RIPOR2: variants seen among roughly 807,000 people sequenced by gnomAD.
RIPOR2 encodes the protein RHO family interacting cell polarization regulator 2.
In RIPOR2, 39 loss-of-function variants were observed where a neutral mutation model predicts 114.5. That is an observed-to-expected ratio of 0.34 (90% CI 0.26 to 0.44). The LOEUF is 0.44. Among genes scored for constraint, RIPOR2 ranks in the 20% least tolerant of loss-of-function variants. The pLI is 1.00. For synonymous variants in RIPOR2, 445 were observed against 484.4 expected (o/e 0.92, Z 1.07); for missense variants, 1,007 against 1,255.1 (o/e 0.80, Z 2.99).
At chr6:24,934,995 T>C (rs1227794764) in intron 1 of RIPOR2, among the ~76,000 whole-genome samples, 2 of 151,892 alleles carry the variant, frequency 1.3e-5, no homozygotes, top group Non-Finnish European at 2.9e-5. Flanking sequence ...GTGCCAAGTA[T>C]GTGTGAGGAA....
At chr6:25,026,546 A>G (rs1014672243) in intron 1 of RIPOR2, among the ~76,000 whole-genome samples, 1 of 152,234 alleles carries the variant, frequency 6.6e-6, no homozygotes. Context: ...AAGCCTGAGA[A>G]TTTCTAGAAG....
At chr6:25,012,470 C>A (rs191453028) in intron 1 of RIPOR2, among the ~76,000 whole-genome samples, 49 of 152,192 alleles carry the variant, frequency 3.2e-4, no homozygotes, top group Non-Finnish European at 6.3e-4. Context: ...AAGAAACAAC[C>A]TAAATGTCCA....
intron 14 of RIPOR2, among the ~76,000 whole-genome samples, chr6:24,836,835 CTCTCTCTCTCTG>C (rs944838856): frequency 7.0e-6 from 1 of 143,650 alleles, no homozygotes; most frequent in African/African-American, 2.5e-5. Flanking sequence ...CACACACTCT[CTCTCTCTCTCTG>C]TCTCTCTCTC....
chr6:24,869,035 G>T, intron 6 of RIPOR2, 59 bp downstream of exon 6: 1 of 972,674 alleles, frequency 1.0e-6, no homozygotes, highest in Non-Finnish European at 1.6e-6. Context: ...CAGCCCAAAG[G>T]TGTATTTGAT....
intron 13 of RIPOR2, chr6:24,840,519 G>T: frequency 7.0e-7 from 1 of 1,419,660 alleles, no homozygotes; most frequent in East Asian, 2.6e-5. Flanking sequence ...GGATGCTGGG[G>T]TGGGTCGAAT....
chr6:24,847,459 A>C, intron 12 of RIPOR2: 1 of 1,392,328 alleles, frequency 7.2e-7, no homozygotes, highest in Non-Finnish European at 9.9e-7. Flanking sequence ...AAGACAGAGA[A>C]GATAAAACAA....
At chr6:24,917,580 A>C (rs563158141) in intron 1 of RIPOR2, among the ~76,000 whole-genome samples, 5 of 151,906 alleles carry the variant, frequency 3.3e-5, no homozygotes. Flanking sequence ...CCCAGGCTGG[A>C]GTGCAATGGC....
intron 1 of RIPOR2, among the ~76,000 whole-genome samples, chr6:25,017,379 C>G (rs1020220465): frequency 6.6e-6 from 1 of 152,196 alleles, no homozygotes; most frequent in African/African-American, 2.4e-5. Context: ...CCACAGTCCT[C>G]CCCCATTTTT....
chr6:25,036,752 A>G (rs303031), intron 1 of RIPOR2, among the ~76,000 whole-genome samples: 66,545 of 151,852 alleles, frequency 0.44, 14,631 homozygotes, highest in East Asian at 0.47. Context: ...ATCTGGTTGC[A>G]TTTACTTGTA....
intron 1 of RIPOR2, among the ~76,000 whole-genome samples, chr6:24,962,501 G>T (rs931974948): frequency 6.6e-6 from 1 of 152,096 alleles, no homozygotes; most frequent in Non-Finnish European, 1.5e-5. Context: ...ACTATGAGAA[G>T]AATATTCACT....
intron 1 of RIPOR2, chr6:25,015,896 G>GTT: frequency 2.2e-5 from 1 of 45,866 alleles, no homozygotes; most frequent in Middle Eastern, 0.014. Flanking sequence ...AGGTTTTTTG[G>GTT]TTTTTTTTTT....
At position 24,858,188 on chromosome 6, in the gene RIPOR2, TG is replaced by T. The variant is rs780542024; in HGVS notation, c.715+2784del. ...TTGAATGAGAATGCACAGCCTCATA[TG>T]TCTGTTTTCTCTGGTAGACCATGTG... On this transcript the variant is annotated intron_variant, in intron 8 of 21. Transcript: ENST00000643898. The surrounding 1 kb of genome is among the most constrained non-coding windows in gnomAD (Gnocchi z 4.0). 5.9e-5 allele frequency among the ~76,000 whole-genome samples: 9 copies of T among 152,344 alleles called. No individual in the cohort carries two copies. The East Asian group carries it at 1.2e-3, about 20-fold the overall frequency.
chr6:24,872,050 A>G (rs185687331), intron 4 of RIPOR2, among the ~76,000 whole-genome samples: 11 of 152,386 alleles, frequency 7.2e-5, no homozygotes, highest in Admixed American at 6.5e-4. Flanking sequence ...AAAAGACAGC[A>G]GCTATGAATG....
At chr6:25,017,351 C>G (rs1776060892) in intron 1 of RIPOR2, among the ~76,000 whole-genome samples, 1 of 152,204 alleles carries the variant, frequency 6.6e-6, no homozygotes, top group South Asian at 2.1e-4. Context: ...TTAGGCAGAG[C>G]AAAAGCTCGG....
chr6:24,825,796 T>C (rs1011831671), intron 18 of RIPOR2, among the ~76,000 whole-genome samples: 3 of 152,168 alleles, frequency 2.0e-5, no homozygotes, highest in Non-Finnish European at 4.4e-5. Context: ...GCTCCTCTTT[T>C]AGTCAAACCT....
rs1780749447 is a variant in RIPOR2, at chr6:24,805,991, C to A, written c.*382G>T. On this transcript the variant is annotated 3_prime_UTR_variant, in exon 22 of 22. Transcript: ENST00000643898. ...TTGAGACAGGGTTTTGCTCTGTCAC[C>A]CAGTCTGGAGTGCAGTGGGGCAATT... is the stretch of plus-strand genomic sequence containing the variant. The A allele has an allele frequency of 5.7e-6, 1 of 176,196 alleles. No individual in the cohort carries two copies. The highest frequency in any genetic ancestry group is 1.2e-5 in the Non-Finnish European group (1 of 84,326). 10.9% of individuals were successfully genotyped at this position (176,196 alleles called of 1,614,324 possible). A position where few individuals can be genotyped will look rare whatever the true frequency, so the allele number is the denominator to read the frequency against.
chr6:24,922,454 A>AC (rs1770562223), intron 1 of RIPOR2, among the ~76,000 whole-genome samples: 1 of 152,150 alleles, frequency 6.6e-6, no homozygotes, highest in Non-Finnish European at 1.5e-5. Context: ...TCAGTTCCCT[A>AC]CTGTTAAATT....
intron 1 of RIPOR2, among the ~76,000 whole-genome samples, chr6:25,038,067 T>C (rs1777324276): frequency 1.3e-5 from 2 of 152,256 alleles, no homozygotes; most frequent in African/African-American, 4.8e-5. Flanking sequence ...AAAATGTTAA[T>C]AATTGTTAAA....
At chr6:24,809,688 A>G (rs1442939328) in intron 21 of RIPOR2, 29 bp downstream of exon 21, 19 of 1,410,976 alleles carry the variant, frequency 1.3e-5, no homozygotes, top group Non-Finnish European at 9.8e-7. Flanking sequence ...GAAGCAAACA[A>G]TCATGTAAAC....
Sources: gnomAD v4.1 joint callset for allele counts (sites outside exome capture counted in the v4.1 genomes callset) on GRCh38, gnomAD v4.1.1 for gene constraint, Gnocchi (gnomAD v3.1) non-coding constraint, MANE v1.5 for transcripts, NCBI Gene and HGNC (gene_info 2026-07-23, HGNC 2026-07-21) for gene names.